The following HEATR5B variants were observed in gnomAD, a reference collection of about 807,000 sequenced individuals.
The protein encoded by HEATR5B is HEAT repeat containing 5B, also known as HEAT repeat-containing protein 5B.
Under a neutral mutation model 224.1 loss-of-function variants are expected in HEATR5B, and 156 were observed. That is an observed-to-expected ratio of 0.70 (90% CI 0.61 to 0.80). HEATR5B has a LOEUF of 0.80. Among genes scored for constraint, HEATR5B ranks in the 30% least tolerant of loss-of-function variants. The pLI is 0.00. For synonymous variants in HEATR5B, 1,027 were observed against 893.0 expected (o/e 1.15, Z -2.68); for missense variants, 2,323 against 2,535.5 (o/e 0.92, Z 1.80).
intron 33 of HEATR5B, 46 bp downstream of exon 33, chr2:37,000,540 G>T: frequency 7.0e-7 from 1 of 1,438,626 alleles, no homozygotes; most frequent in Non-Finnish European, 9.8e-7. Context: ...ATTACTTAGG[G>T]AACACATATC....
Position 37,069,778 on chromosome 2 carries a change from G to A in HEATR5B, c.927+452C>T, listed in dbSNP as rs980917761. Among the ~76,000 whole-genome samples the A allele has an allele frequency of 2.6e-5, 4 of 151,942 alleles. No individual in the cohort carries two copies. The South Asian group carries it at 8.3e-4, about 32-fold the overall frequency. ...TAAGCATGTAATTTGGAATTTGAATGTAATTCATTCATTCGGTAAAAGAAA... is the reference window on the plus strand; with the variant it reads ...TAAGCATGTAATTTGGAATTTGAATATAATTCATTCATTCGGTAAAAGAAA... On this transcript the variant is annotated intron_variant, in intron 7 of 35. Coordinates refer to ENST00000233099, the MANE Select transcript of HEATR5B (RefSeq NM_019024.3).
intron 33 of HEATR5B, among the ~76,000 whole-genome samples, chr2:36,994,189 C>G (rs1666531056): frequency 6.6e-6 from 1 of 152,070 alleles, no homozygotes; most frequent in East Asian, 1.9e-4. Context: ...AGTAATAAAC[C>G]AGGTGTGGCA....
intron 21 of HEATR5B, among the ~76,000 whole-genome samples, chr2:37,036,559 T>G (rs928877465): frequency 1.3e-5 from 2 of 151,910 alleles, no homozygotes; most frequent in Non-Finnish European, 2.9e-5. Context: ...TCGCCCAGGT[T>G]GGAGTGCAAT....
intron 24 of HEATR5B, among the ~76,000 whole-genome samples, chr2:37,024,730 T>C (rs374849896): frequency 6.6e-5 from 10 of 152,300 alleles, no homozygotes; most frequent in African/African-American, 2.4e-4. Flanking sequence ...AAAAGACCTA[T>C]TATTTCTCCT....
At chr2:36,999,960 TGAG>T (rs1221598089) in intron 33 of HEATR5B, among the ~76,000 whole-genome samples, 1 of 151,174 alleles carries the variant, frequency 6.6e-6, no homozygotes, top group Non-Finnish European at 1.5e-5. Context: ...TGCAGTGGGC[TGAG>T]ATCACGCCAC....
At chr2:37,035,632 A>G (rs943081145) in intron 21 of HEATR5B, among the ~76,000 whole-genome samples, 2 of 152,048 alleles carry the variant, frequency 1.3e-5, no homozygotes, top group African/African-American at 4.8e-5. Context: ...CACAACCTCT[A>G]TTCCTTCTTT....
At chr2:37,018,424 G>C (rs1163086316) in intron 26 of HEATR5B, among the ~76,000 whole-genome samples, 1 of 152,158 alleles carries the variant, frequency 6.6e-6, no homozygotes, top group Admixed American at 6.5e-5. Flanking sequence ...AAATTACCTA[G>C]TCGAAGGTTT....
At chr2:37,074,672 A>T (rs1422924967) in intron 5 of HEATR5B, among the ~76,000 whole-genome samples, 1 of 152,218 alleles carries the variant, frequency 6.6e-6, no homozygotes, top group African/African-American at 2.4e-5. Context: ...GGAATATGTA[A>T]AAAACCTATA....
intron 12 of HEATR5B, among the ~76,000 whole-genome samples, chr2:37,059,458 A>T (rs1400403500): frequency 0.013 from 1,418 of 106,708 alleles, 23 homozygotes; most frequent in Non-Finnish European, 0.02. Context: ...ATATATATAT[A>T]TATATATTTT....
intron 33 of HEATR5B, among the ~76,000 whole-genome samples, chr2:36,995,023 T>C (rs1666595736): frequency 6.6e-6 from 1 of 151,682 alleles, no homozygotes; most frequent in East Asian, 1.9e-4. Context: ...GTGCTGGGAT[T>C]ACAGGTGTGG....
chr2:37,007,278 T>C lies in HEATR5B; in HGVS notation c.4549A>G (p.Ile1517Val), dbSNP rs1412095097. ...DGGAFYTPET[I>V]DTARLHYRNS... ...CGATAGTGAAGTCTAGCTGTATCAA[T>C]AGTTTCAGGGGTATAAAATGCTCCA... Residue 1517 changes from isoleucine (I) to valine (V), a missense_variant, in exon 29 of 36, where the codon ATT becomes GTT. By Grantham distance (29) the Ile-to-Val change is conservative (BLOSUM62 3). This residue lies in a region of HEATR5B where 844 missense variants were observed against 812.9 expected (regional missense o/e 1.04). Transcript: ENST00000233099. 1.9e-6 allele frequency: 3 copies of C among 1,613,464 alleles called. No homozygotes were observed. The highest frequency in any genetic ancestry group is 1.7e-6 in the Non-Finnish European group (2 of 1,179,966).
chr2:37,035,856 G>A (rs1182556806), intron 21 of HEATR5B, among the ~76,000 whole-genome samples: 2 of 152,000 alleles, frequency 1.3e-5, no homozygotes, highest in Non-Finnish European at 2.9e-5. Context: ...AACTATCCAT[G>A]TGTCTAAAAC....
At chr2:37,025,384 T>C (rs1668705002) in intron 24 of HEATR5B, among the ~76,000 whole-genome samples, 1 of 149,410 alleles carries the variant, frequency 6.7e-6, no homozygotes, top group African/African-American at 2.5e-5. Flanking sequence ...TAAAGAAAAA[T>C]GCAACCAGGG....
intron 2 of HEATR5B, among the ~76,000 whole-genome samples, 153 bp from the exon 3 acceptor site, chr2:37,079,484 A>G (rs1287431775): frequency 6.6e-6 from 1 of 152,212 alleles, no homozygotes; most frequent in East Asian, 1.9e-4. Flanking sequence ...AAGTTAATGA[A>G]AAGTTCTGTA....
intron 35 of HEATR5B, among the ~76,000 whole-genome samples, chr2:36,986,570 C>T (rs912386836): frequency 7.2e-5 from 11 of 152,088 alleles, no homozygotes; most frequent in African/African-American, 2.7e-4. Context: ...AAAGAAAAAA[C>T]AGGTACAGTT....
chr2:36,999,011 A>G (rs2148363529), intron 33 of HEATR5B, among the ~76,000 whole-genome samples: 1 of 152,152 alleles, frequency 6.6e-6, no homozygotes, highest in East Asian at 1.9e-4. Context: ...TCAGGAGTTC[A>G]AGACCAGGCT....
rs1023495798 is a variant in HEATR5B at position 37,079,050 on chromosome 2, T to C, written c.338+70A>G. The C allele has an allele frequency of 1.1e-5, 10 of 929,626 alleles. No individual in the cohort carries two copies. In the Admixed American group the frequency reaches 1.3e-4, roughly 12 times the overall value. The allele number at this position is 929,626 out of a possible 1,614,324, so 57.6% of individuals were successfully genotyped here. ...CCCACCTGGGGGTTTTTATGGTCCATAGTCTCCTACTAAGTTTCCTTGAAA... is the reference window on the plus strand; with the variant it reads ...CCCACCTGGGGGTTTTTATGGTCCACAGTCTCCTACTAAGTTTCCTTGAAA... On this transcript the variant is annotated intron_variant, in intron 3 of 35. Coordinates refer to ENST00000233099, the MANE Select transcript of HEATR5B (RefSeq NM_019024.3).
chr2:37,075,724 T>C (rs1558381738), intron 4 of HEATR5B, 90 bp from the exon 5 acceptor site: 1 of 810,712 alleles, frequency 1.2e-6, no homozygotes, highest in Non-Finnish European at 1.9e-6. Context: ...TTGGGTCTAA[T>C]GGTCTTACCT....
In HEATR5B at chr2:37,018,982, A is replaced by C. The variant is rs143178843; in HGVS notation, c.4104+827T>G. 7.2e-5 allele frequency among the ~76,000 whole-genome samples: 11 copies of C among 152,192 alleles called. No individual in the cohort carries two copies. The East Asian group carries it at 2.1e-3, about 29-fold the overall frequency. On this transcript the variant is annotated intron_variant, in intron 26 of 35. Coordinates refer to ENST00000233099, the MANE Select transcript of HEATR5B (RefSeq NM_019024.3). ...TGAGACCAGCCTGACCAACATGGTGAAACACTGTCTCTATTAAAAACACAC... is the reference window on the plus strand; with the variant it reads ...TGAGACCAGCCTGACCAACATGGTGCAACACTGTCTCTATTAAAAACACAC...
Sources: allele counts gnomAD v4.1 joint callset (sites outside exome capture counted in the v4.1 genomes callset), GRCh38; gene constraint gnomAD v4.1.1; regional missense constraint gnomAD v4.1.1; transcripts MANE v1.5; gene names NCBI Gene and HGNC (gene_info 2026-07-23, HGNC 2026-07-21).